Variants in LNX1 observed in about 807,000 individuals in gnomAD.
LNX1 encodes E3 ubiquitin-protein ligase LNX.
A neutral mutation model predicts 68.4 loss-of-function variants in LNX1; 54 were observed. The observed-to-expected ratio is 0.79, with a 90% CI of 0.63 to 0.99. The LOEUF (loss-of-function observed/expected upper bound fraction) is 0.99, where lower values mean the gene tolerates loss of function less well. LNX1 is among the 50% of genes least tolerant of loss of function. The pLI is 0.00. For synonymous variants in LNX1, 336 were observed against 350.0 expected (o/e 0.96, Z 0.45); for missense variants, 906 against 926.4 (o/e 0.98, Z 0.29).
chr4:53,512,771 G>A (rs1726450013), intron 2 of LNX1, among the ~76,000 whole-genome samples: 1 of 152,106 alleles, frequency 6.6e-6, no homozygotes, highest in Non-Finnish European at 1.5e-5. Context: ...CTCCTTGCCA[G>A]CAGCTGGGTT....
At chr4:53,588,719 G>C (rs1316909540) in intron 1 of LNX1, among the ~76,000 whole-genome samples, 4 of 152,096 alleles carry the variant, frequency 2.6e-5, no homozygotes, top group Non-Finnish European at 5.9e-5. Flanking sequence ...TGACATGCAG[G>C]GGGGTTGAGG....
At position 53,526,028 on chromosome 4, in the gene LNX1, T is replaced by G. The variant is rs182928238; in HGVS notation, c.381-17801A>C. Reference sequence around the variant, plus strand: ...AATAACTTGTTTATTGACATTCAATTTTTTAAAATGCAAGCCATTGTGTGA... The same window carrying G: ...AATAACTTGTTTATTGACATTCAATGTTTTAAAATGCAAGCCATTGTGTGA... On this transcript the variant is annotated intron_variant, in intron 2 of 10. Coordinates refer to ENST00000263925, the MANE Select transcript of LNX1 (RefSeq NM_001126328.3). Among the ~76,000 whole-genome samples the G allele has an allele frequency of 1.8e-3, 272 of 152,336 alleles. 1 individual carries two copies. The highest frequency in any genetic ancestry group is 5.9e-3 in the African/African-American group (247 of 41,570).
At chr4:53,524,309 G>C (rs1275366238) in intron 2 of LNX1, 4 of 152,100 alleles carry the variant, frequency 2.6e-5, no homozygotes, top group Admixed American at 6.5e-5. Flanking sequence ...AATAACCAAA[G>C]GCCCAGGCTT....
chr4:53,650,900 C>T (rs1206127873), intron 1 of LNX1, among the ~76,000 whole-genome samples: 1 of 152,174 alleles, frequency 6.6e-6, no homozygotes, highest in Non-Finnish European at 1.5e-5. Context: ...ACATGGTCAT[C>T]ACAATAGTTA....
rs4864799 is a variant in LNX1, at chr4:53,568,156, T to A, written c.380+5467A>T. Reference sequence around the variant, plus strand: ...CCCTAACTCATTTTATGAGGCCAGCTTCATTCTGATACCAAAGCCGGGCAG... The same window carrying A: ...CCCTAACTCATTTTATGAGGCCAGCATCATTCTGATACCAAAGCCGGGCAG... On this transcript the variant is annotated intron_variant, in intron 2 of 10. Coordinates refer to ENST00000263925, the MANE Select transcript of LNX1 (RefSeq NM_001126328.3). Among the ~76,000 whole-genome samples the A allele has an allele frequency of 7.0e-3, 1,057 of 150,834 alleles. 9 individuals carry two copies. Among genetic ancestry groups the A allele is most frequent in the African/African-American group, 0.024 (980 of 40,234 alleles).
At chr4:53,524,948 G>T (rs1290312228) in intron 2 of LNX1, among the ~76,000 whole-genome samples, 1 of 152,148 alleles carries the variant, frequency 6.6e-6, no homozygotes, top group Non-Finnish European at 1.5e-5. Flanking sequence ...ATGTACACAA[G>T]ATCTTAGACT....
intron 6 of LNX1, among the ~76,000 whole-genome samples, chr4:53,483,062 T>C (rs754457552): frequency 4.6e-5 from 7 of 152,174 alleles, no homozygotes; most frequent in African/African-American, 1.2e-4. Flanking sequence ...TCACCTTGAA[T>C]TGTAGCTCCC....
chr4:53,614,530 C>T (rs1733614640), intron 2 of LNX1, among the ~76,000 whole-genome samples: 1 of 152,176 alleles, frequency 6.6e-6, no homozygotes, highest in African/African-American at 2.4e-5. Flanking sequence ...TCAGGTTCCT[C>T]TGCACCCACA....
intron 4 of LNX1, among the ~76,000 whole-genome samples, chr4:53,504,253 T>C (rs939528887): frequency 1.3e-5 from 2 of 152,274 alleles, no homozygotes; most frequent in Admixed American, 1.3e-4. Flanking sequence ...ACAATCAGCA[T>C]CTGCTGCTTC....
intron 2 of LNX1, among the ~76,000 whole-genome samples, chr4:53,540,861 G>C (rs1196152466): frequency 6.6e-6 from 1 of 152,110 alleles, no homozygotes; most frequent in Non-Finnish European, 1.5e-5. Flanking sequence ...GGAGAGCTGG[G>C]AATGGTGGCT....
chr4:53,598,336 G>T (rs1376826223), intron 2 of LNX1, among the ~76,000 whole-genome samples: 1 of 151,732 alleles, frequency 6.6e-6, no homozygotes, highest in Non-Finnish European at 1.5e-5. Context: ...TATGATTAAG[G>T]GATTCTCCAC....
chr4:53,620,868 A>G (rs1332858957), upstream of LNX1, among the ~76,000 whole-genome samples: 3 of 152,210 alleles, frequency 2.0e-5, no homozygotes, highest in Non-Finnish European at 2.9e-5. Context: ...TTCGCCACTC[A>G]GGGAAGGATG....
intron 2 of LNX1, among the ~76,000 whole-genome samples, chr4:53,541,007 C>G (rs1577683777): frequency 6.6e-6 from 1 of 151,330 alleles, no homozygotes; most frequent in South Asian, 2.1e-4. Context: ...TATGTTGGTG[C>G]TTGCCTGTAA....
intron 2 of LNX1, among the ~76,000 whole-genome samples, chr4:53,600,890 C>T (rs1732974147): frequency 6.6e-6 from 1 of 150,710 alleles, no homozygotes; most frequent in African/African-American, 2.4e-5. Context: ...ACCACCACAC[C>T]TGGCTAATGA....
intron 2 of LNX1, among the ~76,000 whole-genome samples, chr4:53,547,781 G>T (rs1469191852): frequency 6.6e-6 from 1 of 152,052 alleles, no homozygotes; most frequent in African/African-American, 2.4e-5. Flanking sequence ...AAATATGAGA[G>T]AATAAGAAGA....
intron 1 of LNX1, among the ~76,000 whole-genome samples, chr4:53,637,014 T>C (rs1734504778): frequency 6.6e-6 from 1 of 150,710 alleles, no homozygotes; most frequent in South Asian, 2.2e-4. Flanking sequence ...GGAAGAATCT[T>C]GGGTTATATT....
intron 2 of LNX1, among the ~76,000 whole-genome samples, chr4:53,547,594 C>G (rs975721591): frequency 6.6e-6 from 1 of 152,140 alleles, no homozygotes; most frequent in African/African-American, 2.4e-5. Flanking sequence ...CCTCTCCCTC[C>G]CCTACTGTTC....
intron 4 of LNX1, chr4:53,502,099 T>A (rs1725546626): frequency 6.6e-6 from 1 of 152,206 alleles, no homozygotes; most frequent in African/African-American, 2.4e-5. Flanking sequence ...CAATATTATG[T>A]CCTCACTCAA....
At chr4:53,609,376 C>G (rs1046664172) in intron 2 of LNX1, among the ~76,000 whole-genome samples, 1 of 150,944 alleles carries the variant, frequency 6.6e-6, no homozygotes, top group Non-Finnish European at 1.5e-5. Flanking sequence ...GAAAATAGTA[C>G]CAGAACAATA....
Sources: allele counts gnomAD v4.1 joint callset (sites outside exome capture counted in the v4.1 genomes callset), GRCh38; gene constraint gnomAD v4.1.1; transcripts MANE v1.5; gene names NCBI Gene and HGNC (gene_info 2026-07-23, HGNC 2026-07-21).